Variants in DCUN1D4 observed in about 807,000 individuals in gnomAD.
DCUN1D4 encodes DCN1-like protein 4.
In DCUN1D4, 22 loss-of-function variants were observed where a neutral mutation model predicts 47.9. The ratio of observed to expected loss-of-function variants is 0.46; its 90% confidence interval spans 0.33 to 0.66. The LOEUF is 0.66. DCUN1D4 is among the 30% of genes least tolerant of loss of function. The pLI, the probability that DCUN1D4 is intolerant of heterozygous loss-of-function variation, is 0.02. For missense variants in DCUN1D4, 301 were observed against 340.8 expected (o/e 0.88, Z 0.92); for synonymous variants, 121 against 112.2 (o/e 1.08, Z -0.50).
chr4:51,867,235 A>T (rs1314831385), intron 3 of DCUN1D4, among the ~76,000 whole-genome samples: 1 of 152,134 alleles, frequency 6.6e-6, no homozygotes, highest in Non-Finnish European at 1.5e-5. Context: ...AAGCTTGGAG[A>T]CACCAGGAAC....
chr4:51,859,236 T>C (rs560955520), intron 1 of DCUN1D4, among the ~76,000 whole-genome samples: 1 of 152,314 alleles, frequency 6.6e-6, no homozygotes, highest in South Asian at 2.1e-4. Flanking sequence ...TGTATATCTT[T>C]CAGTAAACTT....
At chr4:51,883,735 T>G (rs1729048984) in intron 5 of DCUN1D4, among the ~76,000 whole-genome samples, 1 of 152,216 alleles carries the variant, frequency 6.6e-6, no homozygotes, top group Admixed American at 6.5e-5. Context: ...TAAATAAATA[T>G]GTATATATTC....
intron 1 of DCUN1D4, chr4:51,844,263 A>C: frequency 1.1e-6 from 1 of 892,084 alleles, no homozygotes; most frequent in South Asian, 5.3e-5. Flanking sequence ...CTCCCTGTCG[A>C]GGCAGGGTCC....
intron 3 of DCUN1D4, among the ~76,000 whole-genome samples, chr4:51,871,714 G>T (rs1431157523): frequency 6.6e-6 from 1 of 152,242 alleles, no homozygotes; most frequent in Non-Finnish European, 1.5e-5. Flanking sequence ...AGGCTTTACA[G>T]CTGAGCAGGG....
At chr4:51,887,152 G>T in intron 6 of DCUN1D4, 1 of 450,666 alleles carries the variant, frequency 2.2e-6, no homozygotes, top group Non-Finnish European at 4.4e-6. Flanking sequence ...CCAGGCTGGA[G>T]TGCAATGGTA....
intron 7 of DCUN1D4, among the ~76,000 whole-genome samples, chr4:51,897,875 A>G (rs1731506453): frequency 6.6e-6 from 1 of 152,232 alleles, no homozygotes; most frequent in South Asian, 2.1e-4. Flanking sequence ...ACTGAATTAG[A>G]CGCAAAAAAT....
In DCUN1D4 at chr4:51,877,867, T is replaced by A; in HGVS notation, c.343+13T>A. ...TATGAATATGCAGGTAGGTATTCATTTGTATCATCTAAGACTGATCCTTAT... is the reference window on the plus strand; with the variant it reads ...TATGAATATGCAGGTAGGTATTCATATGTATCATCTAAGACTGATCCTTAT... On this transcript the variant is annotated intron_variant, in intron 5 of 10. Transcript: ENST00000334635. 6.5e-7 allele frequency: 1 copy of A among 1,541,652 alleles called. No homozygotes were observed. Among genetic ancestry groups the A allele is most frequent in the Middle Eastern group, 1.7e-4 (1 of 5,880 alleles).
rs558650616 is a variant in DCUN1D4, at chr4:51,886,580, T to A, written c.356T>A (p.Val119Asp). ...CTGTATTTCACAGGAACTGATGATG[T>A]TGTAGGCCCTGAAGGCATGGAGAAA... ...WFYEYAGTDD[V>D]VGPEGMEKFC... Residue 119 changes from valine (V) to aspartate (D), a missense_variant, in exon 6 of 11, where the codon GTT becomes GAT. By Grantham distance (152) the Val-to-Asp change is radical (BLOSUM62 -3). Transcript: ENST00000334635. The A allele has an allele frequency of 2.4e-5, 38 of 1,613,928 alleles. No homozygotes were observed. Among genetic ancestry groups the A allele is most frequent in the Middle Eastern group, 1.7e-4 (1 of 6,056 alleles).
chr4:51,855,319 C>T (rs1460276618), intron 1 of DCUN1D4, among the ~76,000 whole-genome samples: 2 of 152,108 alleles, frequency 1.3e-5, no homozygotes, highest in African/African-American at 2.4e-5. Flanking sequence ...GTTTGCACAA[C>T]TCTGAATATA....
intron 5 of DCUN1D4, among the ~76,000 whole-genome samples, chr4:51,880,729 T>C (rs1728465473): frequency 6.6e-6 from 1 of 152,224 alleles, no homozygotes; most frequent in Non-Finnish European, 1.5e-5. Context: ...TTTCACACTT[T>C]GGTACTTTAG....
chr4:51,841,955 G>T (rs1721687602), upstream of DCUN1D4, among the ~76,000 whole-genome samples: 1 of 144,552 alleles, frequency 6.9e-6, no homozygotes, highest in Non-Finnish European at 1.5e-5. Context: ...GTTGGTGGCT[G>T]GGATGAGGGT....
At chr4:51,897,203 G>A (rs1329650016) in intron 7 of DCUN1D4, among the ~76,000 whole-genome samples, 3 of 152,076 alleles carry the variant, frequency 2.0e-5, no homozygotes, top group Admixed American at 2.0e-4. Context: ...TCCACATTAG[G>A]AAGAAATAAG....
intron 1 of DCUN1D4, among the ~76,000 whole-genome samples, chr4:51,852,676 C>T (rs1445488699): frequency 1.3e-5 from 2 of 152,202 alleles, no homozygotes; most frequent in Non-Finnish European, 2.9e-5. Context: ...AAACAATTAA[C>T]GTTGATTGGC....
intron 1 of DCUN1D4, among the ~76,000 whole-genome samples, chr4:51,852,057 A>C (rs1170102786): frequency 6.6e-6 from 1 of 152,140 alleles, no homozygotes; most frequent in African/African-American, 2.4e-5. Flanking sequence ...AATGATGCTG[A>C]CAGAGCCAGC....
chr4:51,890,377 G>A (rs1364962358), intron 6 of DCUN1D4, among the ~76,000 whole-genome samples: 13 of 152,214 alleles, frequency 8.5e-5, no homozygotes, highest in Admixed American at 8.5e-4. Context: ...TAGCTGAAAT[G>A]AAGCCTTAGG....
intron 6 of DCUN1D4, among the ~76,000 whole-genome samples, chr4:51,887,904 G>GTTTTTTTTTT (rs76995556): frequency 7.8e-6 from 1 of 128,386 alleles, no homozygotes; most frequent in African/African-American, 2.9e-5. Flanking sequence ...TTTTTTTTTG[G>GTTTTTTTTTT]TTTTTTTTTT....
intron 7 of DCUN1D4, among the ~76,000 whole-genome samples, chr4:51,896,352 T>C (rs950436930): frequency 1.3e-5 from 2 of 152,196 alleles, no homozygotes; most frequent in East Asian, 1.9e-4. Context: ...TATTTTCTTT[T>C]AACTATGGGG....
At chr4:51,853,908 G>A (rs147888750) in intron 1 of DCUN1D4, among the ~76,000 whole-genome samples, 2 of 152,318 alleles carry the variant, frequency 1.3e-5, no homozygotes, top group East Asian at 3.9e-4. Flanking sequence ...ATTCTTGGTA[G>A]TGCTTCCCCT....
At chr4:51,868,335 T>C (rs987122865) in intron 3 of DCUN1D4, among the ~76,000 whole-genome samples, 2 of 152,188 alleles carry the variant, frequency 1.3e-5, no homozygotes, top group African/African-American at 4.8e-5. Context: ...CCCCTGCTGC[T>C]CCTCCTCCAC....
Sources: allele counts gnomAD v4.1 joint callset (sites outside exome capture counted in the v4.1 genomes callset), GRCh38; gene constraint gnomAD v4.1.1; transcripts MANE v1.5; gene names NCBI Gene and HGNC (gene_info 2026-07-23, HGNC 2026-07-21).